The following MTREX variants were observed in gnomAD, a reference collection of about 807,000 sequenced individuals.
MTREX encodes Mtr4 exosome RNA helicase.
A neutral mutation model predicts 135.4 loss-of-function variants in MTREX; 76 were observed. The observed-to-expected ratio is 0.56, with a 90% confidence interval of 0.47 to 0.68. The LOEUF (loss-of-function observed/expected upper bound fraction) is 0.68, where lower values mean the gene tolerates loss of function less well. Ranked by LOEUF, MTREX falls within the 30% of genes least tolerant of loss-of-function variation. The pLI is 0.00. For missense variants in MTREX, 920 were observed against 1,262.1 expected (o/e 0.73, Z 4.11); for synonymous variants, 404 against 401.6 (o/e 1.01, Z -0.07).
At chr5:55,409,355 T>A (rs1750853374) in intron 22 of MTREX, among the ~76,000 whole-genome samples, 1 of 152,246 alleles carries the variant, frequency 6.6e-6, no homozygotes, top group Non-Finnish European at 1.5e-5. Flanking sequence ...CATCTCATTT[T>A]GCTAAAAGGA....
chr5:55,312,388 T>TA (rs1468811042), intron 1 of MTREX, among the ~76,000 whole-genome samples: 6 of 151,926 alleles, frequency 3.9e-5, no homozygotes, highest in Admixed American at 1.3e-4. Context: ...TTTATATATT[T>TA]ACTCCTTTGC....
intron 9 of MTREX, 56 bp downstream of exon 9, chr5:55,344,676 C>A (rs1749702079): frequency 2.0e-6 from 2 of 992,496 alleles, no homozygotes; most frequent in South Asian, 3.4e-5. Context: ...TTATTAATAT[C>A]TTGTTGTTGT....
chr5:55,345,299 G>A, intron 10 of MTREX, 103 bp downstream of exon 10: 1 of 721,698 alleles, frequency 1.4e-6, no homozygotes, highest in Non-Finnish European at 2.4e-6. Flanking sequence ...CTATGTAAAG[G>A]TCTAGACGAT....
At chr5:55,372,140 C>T (rs1750212830) in intron 16 of MTREX, among the ~76,000 whole-genome samples, 1 of 152,096 alleles carries the variant, frequency 6.6e-6, no homozygotes, top group African/African-American at 2.4e-5. Flanking sequence ...TTTCAGTGTG[C>T]AGTCTCCATT....
At chr5:55,362,580 T>TG in intron 15 of MTREX, among the ~76,000 whole-genome samples, 2 of 152,160 alleles carry the variant, frequency 1.3e-5, no homozygotes, top group South Asian at 4.1e-4. Flanking sequence ...AGGCTGGTCT[T>TG]GAACTCCTGA....
chr5:55,394,521 C>G (rs1213729400), intron 19 of MTREX, among the ~76,000 whole-genome samples: 1 of 152,152 alleles, frequency 6.6e-6, no homozygotes, highest in Non-Finnish European at 1.5e-5. Flanking sequence ...CTTAGATTCT[C>G]ATAACGACCA....
At chr5:55,376,064 C>T (rs1346281234) in intron 16 of MTREX, among the ~76,000 whole-genome samples, 2 of 152,184 alleles carry the variant, frequency 1.3e-5, no homozygotes, top group Admixed American at 1.3e-4. Context: ...GTGGAGCCCC[C>T]AGTAGACTTA....
In MTREX at chr5:55,308,007, C is replaced by A; in HGVS notation, c.-7C>A. The A allele has an allele frequency of 6.2e-7, 1 of 1,614,088 alleles. No homozygotes were observed. Among genetic ancestry groups the A allele is most frequent in the South Asian group, 1.1e-5 (1 of 91,068 alleles). ...AGGAGGGAGATTTGCTCTCACTGCT[C>A]CCAAAAATGGCGGACGCATTCGGAG... On this transcript the variant is annotated 5_prime_UTR_variant, in exon 1 of 27. Transcript: ENST00000230640.
At chr5:55,387,227 A>G (rs1277254996) in intron 18 of MTREX, among the ~76,000 whole-genome samples, 1 of 152,064 alleles carries the variant, frequency 6.6e-6, no homozygotes, top group African/African-American at 2.4e-5. Flanking sequence ...AATATGTTTT[A>G]TTCTTGTTAA....
intron 22 of MTREX, among the ~76,000 whole-genome samples, chr5:55,410,271 G>C (rs1423383465): frequency 1.3e-5 from 2 of 151,962 alleles, no homozygotes; most frequent in Non-Finnish European, 2.9e-5. Context: ...TTAAGAAATT[G>C]TTCTTATTTC....
At chr5:55,319,459 A>G (rs10045330) in intron 1 of MTREX, among the ~76,000 whole-genome samples, 20,642 of 152,170 alleles carry the variant, frequency 0.14, 1,730 homozygotes, top group East Asian at 0.27. Context: ...CTGTAATTAC[A>G]GGCTAGTTAT....
chr5:55,344,590 A>G lies in MTREX; in HGVS notation c.975A>G (p.Gly325=). The G allele has an allele frequency of 1.2e-6, 2 of 1,607,344 alleles. No homozygotes were observed. Among genetic ancestry groups the G allele is most frequent in the Non-Finnish European group, 1.7e-6 (2 of 1,174,536 alleles). Reference sequence around the variant, plus strand: ...AACACTACATTTTTCCAGCAGGGGGAGATGGCCTGCATCTTGTGGTTGATG... The same window carrying G: ...AACACTACATTTTTCCAGCAGGGGGGGATGGCCTGCATCTTGTGGTTGATG... The part of the protein sequence containing the change: ...PLQHYIFPAG[G]DGLHLVVDEN... Residue 325 remains glycine (G), a synonymous_variant, in exon 9 of 27, where the codon GGA becomes GGG. Transcript: ENST00000230640.
rs1196700155 is a variant in MTREX, at chr5:55,340,204, A to AT, written c.690+21dup. ...ACAGAGGTAATTCATGTAGTGCCTC[A>AT]TCTGACTTTTCGTTTTTAATTAAAT... On this transcript the variant is annotated intron_variant, in intron 6 of 26. Transcript: ENST00000230640. 1 of 1,486,284 alleles carries AT rather than the reference A, an allele frequency of 6.7e-7. No homozygotes were observed. The highest frequency in any genetic ancestry group is 9.0e-7 in the Non-Finnish European group (1 of 1,116,086). The allele number at this position is 1,486,284 out of a possible 1,614,324, so 92.1% of individuals were successfully genotyped here.
chr5:55,401,232 G>T (rs572619114), intron 21 of MTREX, among the ~76,000 whole-genome samples: 6 of 152,006 alleles, frequency 3.9e-5, no homozygotes, highest in African/African-American at 1.4e-4. Flanking sequence ...ACGGGGTTTC[G>T]CCATGTTGGC....
intron 1 of MTREX, among the ~76,000 whole-genome samples, chr5:55,312,087 T>C (rs1220622570): frequency 6.6e-6 from 1 of 152,202 alleles, no homozygotes; most frequent in Admixed American, 6.5e-5. Flanking sequence ...ATGACGGCTT[T>C]AGCACCTAGT....
intron 1 of MTREX, among the ~76,000 whole-genome samples, chr5:55,322,114 C>T (rs1177073495): frequency 6.6e-6 from 1 of 152,012 alleles, no homozygotes. Flanking sequence ...TAATTTTAAA[C>T]CGTCAAAGAA....
At chr5:55,345,649 G>A (rs564727262) in intron 10 of MTREX, among the ~76,000 whole-genome samples, 2 of 151,332 alleles carry the variant, frequency 1.3e-5, no homozygotes, top group South Asian at 4.2e-4. Flanking sequence ...ATGTTTTCAA[G>A]GTTCGTTACT....
chr5:55,359,737 A>G (rs1341455056), intron 15 of MTREX, among the ~76,000 whole-genome samples: 1 of 152,228 alleles, frequency 6.6e-6, no homozygotes, highest in East Asian at 1.9e-4. Flanking sequence ...AGCACATGCT[A>G]TTTTTCTTTC....
chr5:55,392,931 G>A lies in MTREX; in HGVS notation c.2182-4485G>A, dbSNP rs572372357. On this transcript the variant is annotated intron_variant, in intron 19 of 26. Transcript: ENST00000230640. ...TTTGACAAACACAGCCAGGAAAAAGGTTTGCACTGGTAAGCTCTCAGTCAG... is the reference window on the plus strand; with the variant it reads ...TTTGACAAACACAGCCAGGAAAAAGATTTGCACTGGTAAGCTCTCAGTCAG... Among the ~76,000 whole-genome samples the A allele has an allele frequency of 5.3e-5, 8 of 152,338 alleles. 1 individual carries two copies. The highest frequency in any genetic ancestry group is 1.9e-4 in the African/African-American group (8 of 41,584).
Sources: allele counts gnomAD v4.1 joint callset (sites outside exome capture counted in the v4.1 genomes callset), GRCh38; gene constraint gnomAD v4.1.1; transcripts MANE v1.5; gene names NCBI Gene and HGNC (gene_info 2026-07-23, HGNC 2026-07-21).